DEPDC4: variants seen among roughly 807,000 people sequenced by gnomAD.
DEPDC4 encodes DEP domain-containing protein 4.
DEPDC4 carries 52 observed loss-of-function variants against 52.0 expected under a neutral mutation model. The observed-to-expected ratio is 1.00, with a 90% CI of 0.80 to 1.26. DEPDC4 has a LOEUF of 1.26. Among genes scored for constraint, DEPDC4 ranks in the 50% most tolerant of loss-of-function variants. DEPDC4 has a pLI of 0.00. For synonymous variants in DEPDC4, 201 were observed against 196.8 expected, an observed-to-expected ratio of 1.02 and a Z score of -0.18; for missense variants, 530 against 546.9, an observed-to-expected ratio of 0.97 and a Z score of 0.31.
chr12:100,259,331 T>G (rs1455838196), intron 3 of DEPDC4, among the ~76,000 whole-genome samples: 1 of 152,046 alleles, frequency 6.6e-6, no homozygotes, highest in Admixed American at 6.6e-5. Context: ...CCCAAGAAGA[T>G]GAAATTGATA....
At chr12:100,273,891 T>A in the DEPDC4 span, among the ~76,000 whole-genome samples, 2 of 152,224 alleles carry the variant, frequency 1.3e-5, no homozygotes, top group Middle Eastern at 3.2e-3. Context: ...TATAACAAGA[T>A]GCACGGCATT....
chr12:100,238,325 A>AT (rs2096145506), downstream of DEPDC4, among the ~76,000 whole-genome samples: 1 of 151,510 alleles, frequency 6.6e-6, no homozygotes, highest in Non-Finnish European at 1.5e-5. Flanking sequence ...CTCCCGGCTA[A>AT]TTTTTTGTAT....
chr12:100,237,055 T>C (rs2096142345), downstream of DEPDC4, among the ~76,000 whole-genome samples: 1 of 152,194 alleles, frequency 6.6e-6, no homozygotes, highest in Non-Finnish European at 1.5e-5. Context: ...CCTATTTTTA[T>C]ACTAGTACCA....
rs975811155 is a variant in DEPDC4 at position 100,262,305 on chromosome 12, T to C, written c.659A>G (p.Asn220Ser). 1.9e-6 allele frequency: 3 copies of C among 1,612,566 alleles called. No individual in the cohort carries two copies. The highest frequency in any genetic ancestry group is 2.7e-5 in the African/African-American group (2 of 74,866). Residue 220 changes from asparagine to serine, a missense_variant, in exon 3 of 10, where the codon AAT becomes AGT. Physicochemically the swap from Asn to Ser is conservative, Grantham distance 46. Coordinates refer to ENST00000550587, the MANE Select transcript of DEPDC4 (RefSeq NM_001364818.2). ...TINGNPALCPNITVQKPFLRL... is the reference protein window; with the variant it reads ...TINGNPALCPSITVQKPFLRL... ...GAGAAAAGGTTTCTGAACTGTGATA[T>C]TTGGACATAAAGCTGGATTCCCATT...
At chr12:100,245,498 C>G (rs2096181261) in intron 8 of DEPDC4, among the ~76,000 whole-genome samples, 1 of 152,246 alleles carries the variant, frequency 6.6e-6, no homozygotes, top group South Asian at 2.1e-4. Flanking sequence ...AACTCCTGAC[C>G]TCAAGTGATC....
chr12:100,241,909 C>A, intron 9 of DEPDC4, 64 bp from the exon 10 acceptor site: 1 of 1,084,828 alleles, frequency 9.2e-7, no homozygotes. Flanking sequence ...AGTTAAAAAA[C>A]CAACTAAACT....
At chr12:100,261,244 G>A (rs2096252727) in intron 3 of DEPDC4, among the ~76,000 whole-genome samples, 2 of 149,004 alleles carry the variant, frequency 1.3e-5, no homozygotes, top group Admixed American at 1.3e-4. Context: ...CCCTTTCTTT[G>A]GGCACCCTGT....
intron 8 of DEPDC4, among the ~76,000 whole-genome samples, chr12:100,248,573 G>T (rs1035779885): frequency 3.3e-5 from 5 of 152,080 alleles, no homozygotes; most frequent in Non-Finnish European, 5.9e-5. Context: ...ACAAGAAAAA[G>T]AATCTGAGAG....
At chr12:100,258,161 GA>G (rs1258283757) in intron 3 of DEPDC4, among the ~76,000 whole-genome samples, 1 of 152,008 alleles carries the variant, frequency 6.6e-6, no homozygotes. Context: ...GATGCCACAA[GA>G]AAGGAAATTC....
At chr12:100,279,872 G>A in the DEPDC4 span, among the ~76,000 whole-genome samples, 3 of 152,218 alleles carry the variant, frequency 2.0e-5, no homozygotes, top group Non-Finnish European at 4.4e-5. Context: ...GCATGTGTGG[G>A]ACCAGGGAAC....
At position 100,255,931 on chromosome 12, in the gene DEPDC4, T is replaced by C; in HGVS notation, c.878+118A>G. ...AATGAGGATTCATAATGATAATTTA[T>C]AAAAGAGAGATAGTATAAGCTTATA... On this transcript the variant is annotated intron_variant, in intron 4 of 9. Coordinates refer to ENST00000550587, the MANE Select transcript of DEPDC4 (RefSeq NM_001364818.2). 5.9e-6 allele frequency: 4 copies of C among 672,506 alleles called. No individual in the cohort carries two copies. In the South Asian group the frequency reaches 7.6e-5, roughly 13 times the overall value. 41.7% of individuals were successfully genotyped at this position (672,506 alleles called of 1,614,324 possible).
At chr12:100,259,902 T>C (rs369552234) in intron 3 of DEPDC4, among the ~76,000 whole-genome samples, 19 of 152,212 alleles carry the variant, frequency 1.2e-4, no homozygotes, top group South Asian at 8.3e-4. Flanking sequence ...ATAATACTTT[T>C]AAAAACCCAC....
chr12:100,263,135 T>C (rs991772194), intron 2 of DEPDC4, among the ~76,000 whole-genome samples: 7 of 152,200 alleles, frequency 4.6e-5, no homozygotes, highest in Non-Finnish European at 7.3e-5. Context: ...CTAATTTTTG[T>C]ATTTTTAGTA....
intron 7 of DEPDC4, 53 bp downstream of exon 7, chr12:100,252,123 C>T (rs889167895): frequency 9.0e-7 from 1 of 1,111,726 alleles, no homozygotes; most frequent in African/African-American, 1.7e-5. Flanking sequence ...TGCTTTTCTG[C>T]TTGACACAAG....
chr12:100,239,264 TG>T (rs1405507902), downstream of DEPDC4, among the ~76,000 whole-genome samples: 18 of 152,166 alleles, frequency 1.2e-4, 1 homozygote, highest in East Asian at 3.5e-3. Flanking sequence ...TTGGTAGAGA[TG>T]GGGTTTCACC....
rs143561600 is a variant in DEPDC4 at position 100,251,970 on chromosome 12, G to A, written c.1374+206C>T. Among the ~76,000 whole-genome samples the A allele has an allele frequency of 1.7e-3, 255 of 152,286 alleles. 1 individual carries two copies. The highest frequency in any genetic ancestry group is 5.8e-3 in the African/African-American group (242 of 41,562). On this transcript the variant is annotated intron_variant, in intron 7 of 9. Coordinates refer to ENST00000550587, the MANE Select transcript of DEPDC4 (RefSeq NM_001364818.2). ...ATGCCTCAGTCTCCCAAAGTGCTGG[G>A]ATTACAAGTATGAGCCACTGTACCC...
chr12:100,271,969 A>G (rs559554090), upstream of DEPDC4, among the ~76,000 whole-genome samples: 5 of 152,306 alleles, frequency 3.3e-5, no homozygotes, highest in African/African-American at 9.6e-5. Flanking sequence ...CCTTTCAGCT[A>G]CCTGCTGTCA....
chr12:100,266,863 C>T lies in DEPDC4; in HGVS notation c.157+57G>A, dbSNP rs549443769. On this transcript the variant is annotated intron_variant, in intron 1 of 9. Coordinates refer to ENST00000550587, the MANE Select transcript of DEPDC4 (RefSeq NM_001364818.2). The stretch of plus-strand genomic sequence containing the variant: ...AGGAGCAGAGTCCCAGCCGCCTGCT[C>T]CCTTCAGCTGCCCCCTCCACCTTCA... 2.5e-6 allele frequency: 4 copies of T among 1,572,096 alleles called. No homozygotes were observed. In the African/African-American group the frequency reaches 5.4e-5, roughly 21 times the overall value.
At chr12:100,251,670 C>T (rs1316139242) in intron 7 of DEPDC4, among the ~76,000 whole-genome samples, 5 of 151,788 alleles carry the variant, frequency 3.3e-5, no homozygotes, top group Admixed American at 6.6e-5. Flanking sequence ...CAGGTTCAAG[C>T]GATTCTCCTG....
Sources: gnomAD v4.1 joint callset for allele counts (sites outside exome capture counted in the v4.1 genomes callset) on GRCh38, gnomAD v4.1.1 for gene constraint, MANE v1.5 for transcripts, NCBI Gene and HGNC (gene_info 2026-07-23, HGNC 2026-07-21) for gene names.